MAST4: variants seen among roughly 807,000 people sequenced by gnomAD.
MAST4 encodes microtubule associated serine/threonine kinase family member 4, also known as microtubule-associated serine/threonine-protein kinase 4.
A neutral mutation model predicts 162.7 loss-of-function variants in MAST4; 89 were observed. The ratio of observed to expected loss-of-function variants is 0.55; its 90% CI spans 0.46 to 0.65. The LOEUF is 0.65. MAST4 is among the 30% of genes least tolerant of loss of function. MAST4 has a pLI of 0.00. For missense variants in MAST4, 3,153 were observed against 3,374.0 expected (o/e 0.93, Z 1.62); for synonymous variants, 1,479 against 1,361.1 (o/e 1.09, Z -1.91).
chr5:67,102,766 A>T (rs1327853763), intron 9 of MAST4, among the ~76,000 whole-genome samples, 155 bp downstream of exon 9: 1 of 151,598 alleles, frequency 6.6e-6, no homozygotes, highest in Non-Finnish European at 1.5e-5. Flanking sequence ...GAAAATAACT[A>T]AAAAAAAATG....
At position 67,024,390 on chromosome 5, in the gene MAST4, ATATC is replaced by A. The variant is rs200725897; in HGVS notation, c.675-30010_675-30007del. On this transcript the variant is annotated intron_variant, in intron 4 of 28. Coordinates refer to ENST00000403625, the MANE Select transcript of MAST4 (RefSeq NM_001164664.2). The stretch of plus-strand genomic sequence containing the variant: ...AGCTATATATGTACACACACGATAT[ATATC>A]TATATGTATACACATACATAATCGT... Among the ~76,000 whole-genome samples the A allele has an allele frequency of 4.1e-3, 594 of 146,346 alleles. 6 individuals carry two copies. The highest frequency in any genetic ancestry group is 0.038 in the Middle Eastern group (11 of 288).
At chr5:66,968,575 C>T (rs536951470) in intron 4 of MAST4, among the ~76,000 whole-genome samples, 3 of 152,144 alleles carry the variant, frequency 2.0e-5, no homozygotes, top group African/African-American at 4.8e-5. Flanking sequence ...TCCTGACATA[C>T]GTAGAAGAGG....
At chr5:67,007,767 T>C (rs1752208567) in intron 4 of MAST4, among the ~76,000 whole-genome samples, 1 of 152,218 alleles carries the variant, frequency 6.6e-6, no homozygotes, top group African/African-American at 2.4e-5. Flanking sequence ...GTTTGCCTTA[T>C]AGTTCAATGT....
chr5:67,079,328 T>A (rs1762332003), intron 5 of MAST4, among the ~76,000 whole-genome samples: 1 of 152,088 alleles, frequency 6.6e-6, no homozygotes, highest in Non-Finnish European at 1.5e-5. Flanking sequence ...TATAGATAAT[T>A]AAAAAATAGC....
intron 4 of MAST4, among the ~76,000 whole-genome samples, chr5:67,048,987 GTA>G (rs34164320): frequency 1.8e-4 from 18 of 102,396 alleles, no homozygotes; most frequent in East Asian, 5.2e-4. Flanking sequence ...ATATATATAT[GTA>G]TATATATATA....
Position 66,843,081 on chromosome 5 carries a change from T to C in MAST4, c.642+54287T>C, listed in dbSNP as rs551258906. Among the ~76,000 whole-genome samples, 20 of 152,324 alleles carry C rather than the reference T, an allele frequency of 1.3e-4. 1 individual carries two copies. Among genetic ancestry groups the C allele is most frequent in the African/African-American group, 4.8e-4 (20 of 41,588 alleles). On this transcript the variant is annotated intron_variant, in intron 3 of 28. Transcript: ENST00000403625. ...CCTTTGCCAATGCCTTATCTACCAC[T>C]GTCTTTTAAATCTACTCCATGTAAA...
At chr5:66,916,584 T>A (rs899682200) in intron 4 of MAST4, among the ~76,000 whole-genome samples, 1 of 152,228 alleles carries the variant, frequency 6.6e-6, no homozygotes, top group Non-Finnish European at 1.5e-5. Context: ...CCAATCCCTG[T>A]CTCTATCCAC....
chr5:67,166,031 C>T lies in MAST4; in HGVS notation c.6852C>T (p.Ala2284=), dbSNP rs774001140. Residue 2284 remains alanine (A), a synonymous_variant, in exon 29 of 29, where the codon GCC becomes GCT. Transcript: ENST00000403625. ...ACACTGACAGGGCTCCTCTAGACGC[C>T]AAGCCACAACCCACCAGTGGTGGGC... The part of the protein sequence containing the change: ...PLHTDRAPLD[A]KPQPTSGGRP... The T allele has an allele frequency of 6.2e-7, 1 of 1,612,378 alleles. No individual in the cohort carries two copies.
intron 1 of MAST4, among the ~76,000 whole-genome samples, chr5:66,606,262 A>G (rs573142901): frequency 2.2e-4 from 33 of 152,350 alleles, no homozygotes; most frequent in Middle Eastern, 3.4e-3. Context: ...ATGATTCATA[A>G]AAGATTAATT....
chr5:66,695,039 C>A (rs4699886), intron 1 of MAST4, among the ~76,000 whole-genome samples: 47,345 of 151,708 alleles, frequency 0.31, 7,811 homozygotes, highest in Admixed American at 0.47. Flanking sequence ...CCCTTTTTTC[C>A]ATTTTTGCTT....
chr5:66,961,076 A>G (rs1303109676), intron 4 of MAST4, among the ~76,000 whole-genome samples: 1 of 152,244 alleles, frequency 6.6e-6, no homozygotes, highest in African/African-American at 2.4e-5. Flanking sequence ...TTGTAGTATT[A>G]GTATGTGATT....
At chr5:66,791,870 G>C (rs995106825) in intron 3 of MAST4, among the ~76,000 whole-genome samples, 7 of 152,164 alleles carry the variant, frequency 4.6e-5, no homozygotes, top group Admixed American at 4.6e-4. Flanking sequence ...AGCCAGAGGA[G>C]AGCTGCCAGA....
intron 4 of MAST4, chr5:66,916,916 A>T (rs1205501160): frequency 1.1e-5 from 8 of 706,532 alleles, no homozygotes; most frequent in South Asian, 1.1e-4. Flanking sequence ...TCCCCACAAC[A>T]AACAGTGCTG....
Position 67,145,361 on chromosome 5 carries a change from A to T in MAST4, c.3076A>T (p.Ser1026Cys). Residue 1026 changes from serine to cysteine, a missense_variant, in exon 23 of 29, where the codon AGC (serine) becomes TGC (cysteine). By Grantham distance (112) the Ser-to-Cys change is moderately radical (BLOSUM62 -1). Coordinates refer to ENST00000403625, the MANE Select transcript of MAST4 (RefSeq NM_001164664.2). Reference sequence around the variant, plus strand: ...GGTCACCACCCCAGCCAGCACCATCAGCAGCTCCACCCTGTCAGGTAAGCC... The same window carrying T: ...GGTCACCACCCCAGCCAGCACCATCTGCAGCTCCACCCTGTCAGGTAAGCC... ...PEVTTPASTI[S>C]SSTLSVGSFS... 2.5e-6 allele frequency: 4 copies of T among 1,612,986 alleles called. No individual in the cohort carries two copies. The highest frequency in any genetic ancestry group is 3.4e-6 in the Non-Finnish European group (4 of 1,179,868).
In MAST4 at chr5:66,746,495, A is replaced by G. The variant is rs374271199; in HGVS notation, c.364-13214A>G. Among the ~76,000 whole-genome samples the G allele has an allele frequency of 4.9e-4, 75 of 152,260 alleles. No individual in the cohort carries two copies. The East Asian group carries it at 7.7e-3, about 16-fold the overall frequency. ...TCTGAATCCTTTTCCTCTTTGGTAA[A>G]ATGGGAATACTACTGCCTAGTAGGG... On this transcript the variant is annotated intron_variant, in intron 1 of 28. Coordinates refer to ENST00000403625, the MANE Select transcript of MAST4 (RefSeq NM_001164664.2).
intron 1 of MAST4, among the ~76,000 whole-genome samples, chr5:66,755,256 GAAC>G (rs1753463132): frequency 6.6e-6 from 1 of 152,166 alleles, no homozygotes; most frequent in Non-Finnish European, 1.5e-5. Context: ...GAGAAGTTAA[GAAC>G]AACTGAAAGA....
rs77458339 is a variant in MAST4 at position 66,789,505 on chromosome 5, T to C, written c.642+711T>C. 3.2e-3 allele frequency among the ~76,000 whole-genome samples: 492 copies of C among 152,326 alleles called. 2 individuals carry two copies. Among genetic ancestry groups the C allele is most frequent in the Admixed American group, 4.9e-3 (75 of 15,304 alleles). ...TTTGTCTTTTATGACATTTGACATT[T>C]TTGAATAATTTTTTAATGGCTTATT... On this transcript the variant is annotated intron_variant, in intron 3 of 28. Coordinates refer to ENST00000403625, the MANE Select transcript of MAST4 (RefSeq NM_001164664.2).
At chr5:66,872,450 G>A (rs1334733356) in intron 3 of MAST4, among the ~76,000 whole-genome samples, 2 of 152,142 alleles carry the variant, frequency 1.3e-5, no homozygotes, top group Non-Finnish European at 2.9e-5. Flanking sequence ...GATTACAGGC[G>A]GGAGCCACCA....
intron 4 of MAST4, among the ~76,000 whole-genome samples, chr5:66,996,171 C>T (rs548460885): frequency 2.0e-5 from 3 of 151,846 alleles, no homozygotes; most frequent in South Asian, 2.1e-4. Context: ...CCCGGCTACT[C>T]GGGAGGCTGA....
Sources: gnomAD v4.1 joint callset for allele counts (sites outside exome capture counted in the v4.1 genomes callset) on GRCh38, gnomAD v4.1.1 for gene constraint, MANE v1.5 for transcripts, NCBI Gene and HGNC (gene_info 2026-07-23, HGNC 2026-07-21) for gene names.